REDIC1: variants seen among roughly 807,000 people sequenced by gnomAD.
The protein encoded by REDIC1 is regulator of DNA class I crossover intermediates 1, also known as HEI10 Interacting Protein 1.
At chr12:39,905,118 C>A in the REDIC1 span, among the ~76,000 whole-genome samples, 1 of 152,106 alleles carries the variant, frequency 6.6e-6, no homozygotes, top group Non-Finnish European at 1.5e-5. Context: ...ATTTTAAAAT[C>A]AGAATTTAAA....
chr12:39,761,124 T>C, the REDIC1 span, among the ~76,000 whole-genome samples: 1 of 152,040 alleles, frequency 6.6e-6, no homozygotes, highest in African/African-American at 2.4e-5. Flanking sequence ...GAAAAACTAA[T>C]GTGACAATTG....
At chr12:39,715,008 G>T in the REDIC1 span, among the ~76,000 whole-genome samples, 2 of 151,932 alleles carry the variant, frequency 1.3e-5, no homozygotes, top group African/African-American at 2.4e-5. Flanking sequence ...CTCCCACTTT[G>T]TGGGTTGTCT....
At chr12:39,861,865 GT>G in the REDIC1 span, among the ~76,000 whole-genome samples, 2,788 of 151,578 alleles carry the variant, frequency 0.018, 86 homozygotes, top group African/African-American at 0.063. Flanking sequence ...TCTAAAAGGT[GT>G]TTTTTTTTAA....
the REDIC1 span, among the ~76,000 whole-genome samples, chr12:39,819,001 AAG>A: frequency 8.5e-5 from 13 of 152,162 alleles, no homozygotes; most frequent in Non-Finnish European, 1.5e-4. Flanking sequence ...TAAACGAACG[AAG>A]ATGTTTTTCC....
the REDIC1 span, among the ~76,000 whole-genome samples, chr12:39,790,059 C>G: frequency 6.6e-6 from 1 of 150,526 alleles, no homozygotes; most frequent in African/African-American, 2.4e-5. Context: ...CCAATATATC[C>G]TAAATATTTT....
At chr12:39,896,420 A>ATATATGTATACATATATGTATATG in the REDIC1 span, among the ~76,000 whole-genome samples, 11 of 120,388 alleles carry the variant, frequency 9.1e-5, no homozygotes, top group African/African-American at 4.1e-4. Context: ...ATGTATGTAT[A>ATATATGTATACATATATGTATATG]TGTGTATATA....
At chr12:39,732,700 T>C in the REDIC1 span, among the ~76,000 whole-genome samples, 1 of 152,208 alleles carries the variant, frequency 6.6e-6, no homozygotes, top group Non-Finnish European at 1.5e-5. Flanking sequence ...CCTCTGAAGA[T>C]GAGTATTATT....
chr12:39,827,986 C>A, the REDIC1 span, among the ~76,000 whole-genome samples: 1 of 152,030 alleles, frequency 6.6e-6, no homozygotes, highest in Non-Finnish European at 1.5e-5. Flanking sequence ...AGATGGGAAT[C>A]CAAGGTCATG....
At chr12:39,883,187 T>A in the REDIC1 span, among the ~76,000 whole-genome samples, 1,116 of 152,280 alleles carry the variant, frequency 7.3e-3, 9 homozygotes, top group African/African-American at 0.026. Context: ...TAAGAAAGCA[T>A]TCAAACAATC....
chr12:39,741,623 T>C, the REDIC1 span, among the ~76,000 whole-genome samples: 14 of 152,310 alleles, frequency 9.2e-5, no homozygotes, highest in South Asian at 2.9e-3. Flanking sequence ...GAGTACGTGG[T>C]CCCACAGTTT....
the REDIC1 span, among the ~76,000 whole-genome samples, chr12:39,860,289 T>A: frequency 4.6e-5 from 7 of 152,298 alleles, no homozygotes; most frequent in South Asian, 1.5e-3. Context: ...CCAGCATGAA[T>A]AGCTTATGAT....
At chr12:39,799,062 C>G in the REDIC1 span, among the ~76,000 whole-genome samples, 4 of 145,290 alleles carry the variant, frequency 2.8e-5, no homozygotes, top group East Asian at 8.0e-4. Context: ...AATTACTGTT[C>G]TGGTTTTTTT....
the REDIC1 span, among the ~76,000 whole-genome samples, chr12:39,716,076 AT>A: frequency 6.6e-6 from 1 of 151,952 alleles, no homozygotes; most frequent in South Asian, 2.1e-4. Flanking sequence ...GGTTTATTGC[AT>A]ATAGTAGGGC....
the REDIC1 span, chr12:39,871,657 G>C: frequency 1.4e-6 from 1 of 708,374 alleles, no homozygotes; most frequent in Non-Finnish European, 2.1e-6. Context: ...TTTCTTTTTT[G>C]GTCTAGAAGA....
chr12:39,826,854 A>ATTTTTTTTTTTTT, the REDIC1 span, among the ~76,000 whole-genome samples: 49 of 67,374 alleles, frequency 7.3e-4, 2 homozygotes, highest in East Asian at 3.6e-3. Context: ...GTCTCTTTCA[A>ATTTTTTTTTTTTT]TTTTTTTTTT....
the REDIC1 span, among the ~76,000 whole-genome samples, chr12:39,629,940 T>C: frequency 1.3e-5 from 2 of 152,176 alleles, no homozygotes; most frequent in Admixed American, 1.3e-4. Flanking sequence ...TTAATCCTTT[T>C]TTGACAAAAT....
the REDIC1 span, among the ~76,000 whole-genome samples, chr12:39,660,059 C>T: frequency 1.3e-5 from 2 of 152,142 alleles, no homozygotes; most frequent in South Asian, 4.2e-4. Flanking sequence ...ATGAAATTTT[C>T]CACTCTAGAG....
At chr12:39,654,314 G>A in the REDIC1 span, among the ~76,000 whole-genome samples, 2 of 151,470 alleles carry the variant, frequency 1.3e-5, no homozygotes, top group African/African-American at 2.4e-5. Context: ...TAGGCCGGGC[G>A]TGGTGGCTCA....
At chr12:39,710,475 T>A in the REDIC1 span, among the ~76,000 whole-genome samples, 1 of 151,894 alleles carries the variant, frequency 6.6e-6, no homozygotes, top group African/African-American at 2.4e-5. Context: ...ACTGACTTGA[T>A]TTCATCATCT....
Sources: gnomAD v4.1 joint callset for allele counts (sites outside exome capture counted in the v4.1 genomes callset) on GRCh38, gnomAD v4.1.1 for gene constraint, MANE v1.5 for transcripts, NCBI Gene and HGNC (gene_info 2026-07-23, HGNC 2026-07-21) for gene names.